Variants in DLG2 observed in about 807,000 individuals in gnomAD.
The protein encoded by DLG2 is disks large homolog 2.
DLG2 carries 45 observed loss-of-function variants against 132.5 expected under a neutral mutation model. The observed-to-expected ratio is 0.34, with a 90% CI of 0.27 to 0.44. The LOEUF is 0.44. Ranked by LOEUF, DLG2 falls within the 20% of genes least tolerant of loss-of-function variation. DLG2 has a pLI of 1.00. For synonymous variants in DLG2, 424 were observed against 419.6 expected (o/e 1.01, Z -0.13); for missense variants, 1,045 against 1,196.9 (o/e 0.87, Z 1.87).
At chr11:85,408,213 A>C (rs2088954704) in intron 3 of DLG2, among the ~76,000 whole-genome samples, 1 of 149,300 alleles carries the variant, frequency 6.7e-6, no homozygotes, top group Non-Finnish European at 1.5e-5. Flanking sequence ...TTTTGGAATT[A>C]TTTTCTTTTT....
chr11:83,607,200 C>G (rs1198025709), intron 19 of DLG2, among the ~76,000 whole-genome samples: 1 of 152,128 alleles, frequency 6.6e-6, no homozygotes, highest in Non-Finnish European at 1.5e-5. Context: ...TTTGATTGGC[C>G]AAAACTCCAT....
chr11:84,819,209 G>A (rs1320467554), intron 6 of DLG2, among the ~76,000 whole-genome samples: 1 of 151,596 alleles, frequency 6.6e-6, no homozygotes, highest in Non-Finnish European at 1.5e-5. Flanking sequence ...GAAAGTATGT[G>A]GTATTTAAAC....
intron 15 of DLG2, among the ~76,000 whole-genome samples, chr11:83,892,817 C>A (rs183136638): frequency 6.6e-6 from 1 of 152,162 alleles, no homozygotes; most frequent in Non-Finnish European, 1.5e-5. Flanking sequence ...CTGGCCAATA[C>A]CCATTTGTTA....
At chr11:85,262,766 T>C (rs1411296533) in intron 4 of DLG2, among the ~76,000 whole-genome samples, 1 of 152,182 alleles carries the variant, frequency 6.6e-6, no homozygotes, top group East Asian at 1.9e-4. Context: ...TTCCAGGCCT[T>C]CTCCCTGTAC....
At chr11:83,643,623 A>T (rs993771452) in intron 18 of DLG2, 1 of 152,248 alleles carries the variant, frequency 6.6e-6, no homozygotes, top group Middle Eastern at 3.4e-3. Flanking sequence ...AATAATATCT[A>T]AGTTTCCTCT....
At chr11:85,456,973 T>C (rs2092442893) in intron 3 of DLG2, among the ~76,000 whole-genome samples, 2 of 152,094 alleles carry the variant, frequency 1.3e-5, no homozygotes, top group Admixed American at 1.3e-4. Flanking sequence ...TGAGTTCAGG[T>C]CCTGAATATC....
At chr11:83,678,179 A>G (rs1460516703) in intron 18 of DLG2, among the ~76,000 whole-genome samples, 1 of 152,172 alleles carries the variant, frequency 6.6e-6, no homozygotes, top group Non-Finnish European at 1.5e-5. Flanking sequence ...TCTTCCCTTG[A>G]ACCTGAGATC....
At chr11:83,983,059 T>C (rs534495613) in intron 11 of DLG2, among the ~76,000 whole-genome samples, 3 of 152,240 alleles carry the variant, frequency 2.0e-5, no homozygotes, top group Non-Finnish European at 4.4e-5. Context: ...TGTCTAATGA[T>C]GTATTTCTCA....
chr11:83,972,680 A>G (rs1478848827), intron 12 of DLG2, among the ~76,000 whole-genome samples: 1 of 152,206 alleles, frequency 6.6e-6, no homozygotes, highest in Non-Finnish European at 1.5e-5. Context: ...AAGGAAAAGC[A>G]ATCAAAATTC....
intron 3 of DLG2, among the ~76,000 whole-genome samples, chr11:85,438,524 C>T (rs769697334): frequency 1.3e-5 from 2 of 152,240 alleles, no homozygotes; most frequent in Admixed American, 6.5e-5. Flanking sequence ...TTTGCACCAA[C>T]CTATAATATA....
intron 3 of DLG2, among the ~76,000 whole-genome samples, chr11:85,377,332 A>T (rs72951948): frequency 0.047 from 7,199 of 152,172 alleles, 224 homozygotes; most frequent in East Asian, 0.094. Context: ...GCCTCAGTCA[A>T]CCTACCTGTG....
In DLG2 at chr11:84,534,694, T is replaced by G; in HGVS notation, c.395A>C (p.His132Pro). The G allele has an allele frequency of 6.2e-7, 1 of 1,614,076 alleles. No individual in the cohort carries two copies. Among genetic ancestry groups the G allele is most frequent in the Non-Finnish European group, 8.5e-7 (1 of 1,179,948 alleles). ...TTCGTGGGTTAGTCGAGGTAAGGAA[T>G]GATCATGTGGAGCGTCCTCATCTTG... Reference protein sequence around the residue: ...RYQDEDAPHDHSLPRLTHEVR... With the variant: ...RYQDEDAPHDPSLPRLTHEVR... Residue 132 changes from histidine to proline, a missense_variant, in exon 7 of 28, where the codon CAT (histidine) becomes CCT (proline). This residue lies in a region of DLG2 where 277 missense variants were observed against 238.2 expected (regional missense o/e 1.16). Transcript: ENST00000376104.
chr11:84,856,600 T>C (rs2082821284), intron 6 of DLG2, among the ~76,000 whole-genome samples: 1 of 152,124 alleles, frequency 6.6e-6, no homozygotes, highest in Non-Finnish European at 1.5e-5. Context: ...ATTATCCTTC[T>C]TTATCTAAAC....
chr11:85,489,580 C>T (rs1190410139), intron 3 of DLG2, among the ~76,000 whole-genome samples: 1 of 152,170 alleles, frequency 6.6e-6, no homozygotes, highest in South Asian at 2.1e-4. Flanking sequence ...ACATTTTACT[C>T]AACAACTTCA....
chr11:84,029,423 GAGAAA>G (rs1315720152), intron 11 of DLG2, among the ~76,000 whole-genome samples: 1 of 151,624 alleles, frequency 6.6e-6, no homozygotes, highest in African/African-American at 2.4e-5. Flanking sequence ...TTGCAGAAAT[GAGAAA>G]AAAAAATCTC....
chr11:84,071,599 T>C (rs1197994840), intron 10 of DLG2, among the ~76,000 whole-genome samples: 1 of 152,160 alleles, frequency 6.6e-6, no homozygotes, highest in Non-Finnish European at 1.5e-5. Context: ...TCACCTAGAT[T>C]CTGGGGAAAA....
chr11:85,614,334 A>T (rs1012136952), intron 2 of DLG2, among the ~76,000 whole-genome samples: 9 of 151,838 alleles, frequency 5.9e-5, no homozygotes, highest in East Asian at 3.9e-4. Context: ...TTTTTTTTTA[A>T]AAATTAACAT....
intron 4 of DLG2, among the ~76,000 whole-genome samples, chr11:85,258,052 T>C (rs138763096): frequency 0.02 from 3,025 of 152,282 alleles, 57 homozygotes; most frequent in Admixed American, 0.037. Flanking sequence ...TTACAGACCA[T>C]TTAAGGTCAC....
At chr11:85,507,035 C>T (rs900774920) in intron 3 of DLG2, among the ~76,000 whole-genome samples, 4 of 152,034 alleles carry the variant, frequency 2.6e-5, no homozygotes, top group Non-Finnish European at 4.4e-5. Context: ...GATTGTAACC[C>T]CTGCATTTTT....
Sources: allele counts gnomAD v4.1 joint callset (sites outside exome capture counted in the v4.1 genomes callset), GRCh38; gene constraint gnomAD v4.1.1; regional missense constraint gnomAD v4.1.1; transcripts MANE v1.5; gene names NCBI Gene and HGNC (gene_info 2026-07-23, HGNC 2026-07-21).